The following TNFRSF11A variants were observed in gnomAD, a reference collection of about 807,000 sequenced individuals.
TNFRSF11A encodes the protein TNF receptor superfamily member 11a, also known as tumor necrosis factor receptor superfamily member 11A.
A neutral mutation model predicts 55.7 loss-of-function variants in TNFRSF11A; 32 were observed. The observed-to-expected ratio is 0.57, with a 90% CI of 0.43 to 0.77. TNFRSF11A has a LOEUF of 0.77. TNFRSF11A is among the 30% of genes least tolerant of loss of function. TNFRSF11A has a pLI of 0.00. For synonymous variants in TNFRSF11A, 311 were observed against 331.0 expected, an observed-to-expected ratio of 0.94 and a Z score of 0.65; for missense variants, 753 against 809.8, an observed-to-expected ratio of 0.93 and a Z score of 0.85.
chr18:62,351,002 C>CTTTTTTTTTTTTTTTTTTTTT (rs71160826), intron 3 of TNFRSF11A, among the ~76,000 whole-genome samples: 1 of 122,694 alleles, frequency 8.2e-6, no homozygotes, highest in African/African-American at 3.0e-5. Flanking sequence ...TTTTTTCTTT[C>CTTTTTTTTTTTTTTTTTTTTT]TTTTTTTTTT....
At chr18:62,362,153 A>G (rs1172796406) in intron 7 of TNFRSF11A, among the ~76,000 whole-genome samples, 1 of 152,206 alleles carries the variant, frequency 6.6e-6, no homozygotes, top group African/African-American at 2.4e-5. Flanking sequence ...TAAAATATTT[A>G]GATGACCGGT....
In TNFRSF11A at chr18:62,381,101, G is replaced by A. The variant is rs1025768867; in HGVS notation, c.1568-3650G>A. ...TTACAGGTGTCAGCCACCGCGCTTA[G>A]TTCCCCAACAATAATATTCTTGGTT... On this transcript the variant is annotated intron_variant, in intron 9 of 9. Transcript: ENST00000586569. Among the ~76,000 whole-genome samples the A allele has an allele frequency of 2.0e-5, 3 of 152,204 alleles. No individual in the cohort carries two copies. In the East Asian group the frequency reaches 5.8e-4, roughly 29 times the overall value.
At chr18:62,332,373 C>G (rs773395009) in intron 1 of TNFRSF11A, among the ~76,000 whole-genome samples, 4 of 152,186 alleles carry the variant, frequency 2.6e-5, no homozygotes, top group Non-Finnish European at 5.9e-5. Flanking sequence ...TTTAAAGGCC[C>G]CTGTCTTCTC....
intron 7 of TNFRSF11A, among the ~76,000 whole-genome samples, chr18:62,363,365 C>CTTTTTTTTTTTT (rs386387923): frequency 9.4e-6 from 1 of 106,798 alleles, no homozygotes; most frequent in Non-Finnish European, 1.8e-5. Flanking sequence ...AGTGATGACC[C>CTTTTTTTTTTTT]TTTTTTTTTT....
At chr18:62,368,279 A>C (rs1323922595) in intron 8 of TNFRSF11A, among the ~76,000 whole-genome samples, 5 of 152,154 alleles carry the variant, frequency 3.3e-5, no homozygotes. Context: ...CATTTGCTCA[A>C]TTCTAGAATA....
chr18:62,385,036 C>T lies in TNFRSF11A; in HGVS notation c.*2C>T, dbSNP rs1302310334. On this transcript the variant is annotated 3_prime_UTR_variant, in exon 10 of 10. Transcript: ENST00000586569. Reference sequence around the variant, plus strand: ...GAGCAAGGCGGGGCCAAGGCTTGAGCGCCCCCCATGGCTGGGAGCCCGAAG... The same window carrying T: ...GAGCAAGGCGGGGCCAAGGCTTGAGTGCCCCCCATGGCTGGGAGCCCGAAG... 6 of 1,473,568 alleles carry T rather than the reference C, an allele frequency of 4.1e-6. No individual in the cohort carries two copies. The African/African-American group carries it at 5.9e-5, about 14-fold the overall frequency. The allele number at this position is 1,473,568 out of a possible 1,614,324, so 91.3% of individuals were successfully genotyped here. A position where few individuals can be genotyped will look rare whatever the true frequency, so the allele number is the denominator to read the frequency against.
Position 62,349,927 on chromosome 18 carries a change from T to C in TNFRSF11A, c.273T>C (p.Val91=). ...NEEDKCLLHK[V]CDTGKALVAV... ...AAGATAAATGCTTGCTGCATAAAGT[T>C]TGTGATACAGGTGAGCCCGTCCTGT... The change falls in exon 3 of 10, where the codon GTT becomes GTC. Residue 91 remains valine, a synonymous_variant. Transcript: ENST00000586569. 3.7e-6 allele frequency: 6 copies of C among 1,614,054 alleles called. No individual in the cohort carries two copies. The highest frequency in any genetic ancestry group is 5.1e-6 in the Non-Finnish European group (6 of 1,179,926).
intron 4 of TNFRSF11A, among the ~76,000 whole-genome samples, chr18:62,355,357 A>G (rs1909181659): frequency 6.6e-6 from 1 of 152,070 alleles, no homozygotes; most frequent in South Asian, 2.1e-4. Flanking sequence ...GGCTCACCGC[A>G]ACCTCTGCCT....
At chr18:62,362,376 G>A (rs7240341) in intron 7 of TNFRSF11A, among the ~76,000 whole-genome samples, 48,615 of 151,092 alleles carry the variant, frequency 0.32, 8,556 homozygotes, top group Middle Eastern at 0.46. Flanking sequence ...TGTAATTCCA[G>A]CTACTTGAGA....
At chr18:62,382,748 C>T (rs1425272728) in intron 9 of TNFRSF11A, among the ~76,000 whole-genome samples, 2 of 152,096 alleles carry the variant, frequency 1.3e-5, no homozygotes, top group Non-Finnish European at 2.9e-5. Context: ...CTTGCCTACA[C>T]CACCACACCA....
intron 1 of TNFRSF11A, among the ~76,000 whole-genome samples, chr18:62,346,725 G>C (rs1234853526): frequency 2.0e-5 from 3 of 152,180 alleles, no homozygotes; most frequent in Admixed American, 6.5e-5. Flanking sequence ...AGCTAGCCTG[G>C]GCTTTCCTGG....
At chr18:62,349,433 C>T (rs2046432513) in intron 2 of TNFRSF11A, among the ~76,000 whole-genome samples, 1 of 152,238 alleles carries the variant, frequency 6.6e-6, no homozygotes, top group Middle Eastern at 3.4e-3. Flanking sequence ...CGCCCGTCTC[C>T]GCCTCCCAAA....
chr18:62,340,231 T>C (rs1043610838), intron 1 of TNFRSF11A, among the ~76,000 whole-genome samples: 56 of 151,924 alleles, frequency 3.7e-4, no homozygotes, highest in Admixed American at 1.4e-3. Context: ...GTTTTGGGTT[T>C]TCTTTGAAAC....
intron 9 of TNFRSF11A, among the ~76,000 whole-genome samples, chr18:62,374,512 G>A (rs1175213647): frequency 6.6e-6 from 1 of 152,138 alleles, no homozygotes; most frequent in Non-Finnish European, 1.5e-5. Flanking sequence ...TATATTTTTA[G>A]TTCTCTTCCT....
chr18:62,365,451 C>T (rs1219511548), intron 7 of TNFRSF11A, among the ~76,000 whole-genome samples: 2 of 152,180 alleles, frequency 1.3e-5, no homozygotes. Context: ...TTCTGAGAAG[C>T]AGCCAGATAT....
intron 9 of TNFRSF11A, among the ~76,000 whole-genome samples, chr18:62,379,071 G>T (rs1033330939): frequency 9.9e-5 from 15 of 152,216 alleles, no homozygotes; most frequent in African/African-American, 3.6e-4. Flanking sequence ...GTGTCAGTCG[G>T]TAAAGGGGAA....
Position 62,391,258 on chromosome 18 carries a change from G to T in TNFRSF11A, c.*6224G>T, listed in dbSNP as rs1013673087. ...CCAACATATGGGTTCTTTCCTGTTT[G>T]GGGAGATTACAAATAAAGCTACTAT... On this transcript the variant is annotated 3_prime_UTR_variant, in exon 10 of 10. Coordinates refer to ENST00000586569, the MANE Select transcript of TNFRSF11A (RefSeq NM_003839.4). 2 of 152,270 alleles carry T rather than the reference G, an allele frequency of 1.3e-5. No individual in the cohort carries two copies. The highest frequency in any genetic ancestry group is 2.9e-5 in the Non-Finnish European group (2 of 68,090). 9.4% of individuals were successfully genotyped at this position (152,270 alleles called of 1,614,324 possible).
chr18:62,360,139 G>A lies in TNFRSF11A; in HGVS notation c.616+90G>A, dbSNP rs147145101. The A allele has an allele frequency of 2.6e-3, 2,465 of 947,116 alleles. 10 individuals are homozygous for A. The highest frequency in any genetic ancestry group is 3.7e-3 in the Non-Finnish European group (2,145 of 585,424). 58.7% of individuals were successfully genotyped at this position (947,116 alleles called of 1,614,324 possible). On this transcript the variant is annotated intron_variant, in intron 6 of 9. Transcript: ENST00000586569. ...CTCCCAGATGGCACGTGGATTTGCGGGCGTCCTCTCCCCCTTTATTTCATC... is the reference window on the plus strand; with the variant it reads ...CTCCCAGATGGCACGTGGATTTGCGAGCGTCCTCTCCCCCTTTATTTCATC...
chr18:62,360,616 T>C (rs1909612453), intron 6 of TNFRSF11A, among the ~76,000 whole-genome samples: 1 of 152,008 alleles, frequency 6.6e-6, no homozygotes, highest in African/African-American at 2.4e-5. Context: ...CCAGCTAGTT[T>C]TTGTGTTTTT....
Sources: allele counts gnomAD v4.1 joint callset (sites outside exome capture counted in the v4.1 genomes callset), GRCh38; gene constraint gnomAD v4.1.1; transcripts MANE v1.5; gene names NCBI Gene and HGNC (gene_info 2026-07-23, HGNC 2026-07-21).